The following PPP1R1C variants were observed in gnomAD, a reference collection of about 807,000 sequenced individuals.
PPP1R1C encodes the protein protein phosphatase 1 regulatory subunit 1C.
A neutral mutation model predicts 17.4 loss-of-function variants in PPP1R1C; 15 were observed. The observed-to-expected ratio is 0.86, with a 90% CI of 0.58 to 1.33. PPP1R1C has a LOEUF of 1.33. Among genes scored for constraint, PPP1R1C ranks in the 40% most tolerant of loss-of-function variants. The pLI, the probability that PPP1R1C is intolerant of heterozygous loss-of-function variation, is 0.00. For missense variants in PPP1R1C, 143 were observed against 130.0 expected (o/e 1.10, Z -0.48); for synonymous variants, 35 against 43.1 (o/e 0.81, Z 0.73).
At chr2:182,110,881 A>G (rs1158956893) in intron 4 of PPP1R1C, among the ~76,000 whole-genome samples, 1 of 152,096 alleles carries the variant, frequency 6.6e-6, no homozygotes, top group Non-Finnish European at 1.5e-5. Context: ...ATTTAACTCT[A>G]CTTCTAAATT....
intron 4 of PPP1R1C, among the ~76,000 whole-genome samples, chr2:182,070,396 CA>C (rs1688107357): frequency 6.6e-6 from 1 of 152,238 alleles, no homozygotes; most frequent in African/African-American, 2.4e-5. Flanking sequence ...TAGATAATAT[CA>C]CTTTCCAAAG....
At chr2:182,071,090 A>T (rs559311484) in intron 4 of PPP1R1C, among the ~76,000 whole-genome samples, 1 of 152,150 alleles carries the variant, frequency 6.6e-6, no homozygotes, top group Non-Finnish European at 1.5e-5. Flanking sequence ...GGGGACACAG[A>T]TCCATGCCTT....
chr2:182,087,716 C>A (rs1050097485), intron 4 of PPP1R1C, among the ~76,000 whole-genome samples: 11 of 152,142 alleles, frequency 7.2e-5, no homozygotes, highest in Non-Finnish European at 1.6e-4. Flanking sequence ...CCCCAGATCC[C>A]AGCACACTAT....
chr2:182,028,436 A>G, intron 2 of PPP1R1C, among the ~76,000 whole-genome samples: 1 of 151,972 alleles, frequency 6.6e-6, no homozygotes, highest in Admixed American at 6.6e-5. Context: ...GGTTTCAAAG[A>G]ACATCTTTAT....
chr2:182,125,080 A>G (rs761145363), intron 5 of PPP1R1C, among the ~76,000 whole-genome samples: 4 of 152,036 alleles, frequency 2.6e-5, no homozygotes, highest in Admixed American at 6.6e-5. Context: ...CCATCAATAC[A>G]TAGTTTGTTG....
chr2:182,077,751 A>T (rs1688356238), intron 4 of PPP1R1C, among the ~76,000 whole-genome samples: 1 of 152,196 alleles, frequency 6.6e-6, no homozygotes, highest in Non-Finnish European at 1.5e-5. Flanking sequence ...TATTTTCTTC[A>T]TTGGCAATGA....
upstream of PPP1R1C, among the ~76,000 whole-genome samples, chr2:181,982,410 A>T (rs546706579): frequency 3.9e-5 from 6 of 152,326 alleles, no homozygotes; most frequent in East Asian, 1.2e-3. Flanking sequence ...ATAAAGCCTA[A>T]TTGGACTTAT....
At position 182,103,043 on chromosome 2, in the gene PPP1R1C, A is replaced by G. The variant is rs375262867; in HGVS notation, c.242-14164A>G. ...GGTCTCAAACTCCTGGGCTCAAGCA[A>G]TCCACCTGCCTTGGCCTCCCAGATT... On this transcript the variant is annotated intron_variant, in intron 4 of 4. Transcript: ENST00000682840. 6.7e-4 allele frequency among the ~76,000 whole-genome samples: 102 copies of G among 152,286 alleles called. 3 individuals are homozygous for G. In the South Asian group the frequency reaches 0.02, roughly 30 times the overall value.
rs1458551139 is a variant in PPP1R1C at position 181,967,474 on chromosome 2, A to G, written n.112-7745A>G. Among the ~76,000 whole-genome samples, 1 of 152,096 alleles carries G rather than the reference A, an allele frequency of 6.6e-6. No homozygotes were observed. The highest frequency in any genetic ancestry group is 2.4e-5 in the African/African-American group (1 of 41,424). ...CTTAGTACTGTTTTTGCTGTATCCT[A>G]CAGGTTTTGGTACAATGTGTTTCCA... On this transcript the variant is annotated intron_variant and non_coding_transcript_variant, in intron 1 of 5. Transcript: ENST00000464264. The surrounding 1 kb of genome is among the most constrained non-coding windows in gnomAD (Gnocchi z 5.5).
chr2:181,969,696 A>G (rs1460740842), intron 1 of PPP1R1C, among the ~76,000 whole-genome samples: 3 of 151,846 alleles, frequency 2.0e-5, no homozygotes, highest in Admixed American at 2.0e-4. Flanking sequence ...TAAACTTTCT[A>G]CCCCTGTCTC....
At chr2:182,096,909 C>T (rs1049951877) in intron 4 of PPP1R1C, among the ~76,000 whole-genome samples, 4 of 152,188 alleles carry the variant, frequency 2.6e-5, no homozygotes, top group African/African-American at 9.7e-5. Context: ...GCTCAAGAAA[C>T]AGCTGACAAT....
chr2:181,963,509 C>G (rs563222127), intron 1 of PPP1R1C, among the ~76,000 whole-genome samples: 1 of 152,170 alleles, frequency 6.6e-6, no homozygotes, highest in South Asian at 2.1e-4. Context: ...CATGGTGGTG[C>G]GTTCCTGTAA....
At chr2:181,991,956 C>T (rs2125143136) in intron 2 of PPP1R1C, among the ~76,000 whole-genome samples, 1 of 152,116 alleles carries the variant, frequency 6.6e-6, no homozygotes, top group African/African-American at 2.4e-5. Flanking sequence ...TAATTTATTC[C>T]ATCACATCTA....
intron 4 of PPP1R1C, among the ~76,000 whole-genome samples, chr2:182,085,226 G>A (rs1688595134): frequency 6.6e-6 from 1 of 151,926 alleles, no homozygotes; most frequent in African/African-American, 2.4e-5. Context: ...TTGACTTCCT[G>A]TTTTCCAATT....
chr2:182,107,052 C>T (rs1689275412), intron 4 of PPP1R1C, among the ~76,000 whole-genome samples: 1 of 152,200 alleles, frequency 6.6e-6, no homozygotes, highest in Non-Finnish European at 1.5e-5. Context: ...AATAAAGTCA[C>T]ATTTACAGAT....
At chr2:181,997,928 A>G (rs1312220454) in intron 2 of PPP1R1C, among the ~76,000 whole-genome samples, 1 of 152,140 alleles carries the variant, frequency 6.6e-6, no homozygotes, top group African/African-American at 2.4e-5. Flanking sequence ...TCTCTCCTTC[A>G]TGTCTTAAAT....
chr2:182,045,526 T>C (rs1687317211), intron 2 of PPP1R1C, among the ~76,000 whole-genome samples: 2 of 152,100 alleles, frequency 1.3e-5, no homozygotes, highest in African/African-American at 2.4e-5. Context: ...TAATCATCCA[T>C]ATGTATTTAA....
intron 1 of PPP1R1C, among the ~76,000 whole-genome samples, 190 bp downstream of exon 1, chr2:181,986,381 A>C (rs1685298720): frequency 1.3e-5 from 2 of 152,220 alleles, no homozygotes; most frequent in South Asian, 4.1e-4. Context: ...ATTGTCTAAA[A>C]TGTAACACTT....
intron 4 of PPP1R1C, among the ~76,000 whole-genome samples, chr2:182,107,295 T>A (rs1309342372): frequency 2.0e-5 from 3 of 152,184 alleles, no homozygotes; most frequent in African/African-American, 7.2e-5. Flanking sequence ...AATGAAGTAT[T>A]TTTGCCCAGA....
Sources: gnomAD v4.1 joint callset for allele counts (sites outside exome capture counted in the v4.1 genomes callset) on GRCh38, gnomAD v4.1.1 for gene constraint, Gnocchi (gnomAD v3.1) non-coding constraint, MANE v1.5 for transcripts, NCBI Gene and HGNC (gene_info 2026-07-23, HGNC 2026-07-21) for gene names.